Variants in PCDH15 observed in about 807,000 individuals in gnomAD.
PCDH15 encodes the protein protocadherin-15.
A neutral mutation model predicts 178.5 loss-of-function variants in PCDH15; 129 were observed. That is an observed-to-expected ratio of 0.72 (90% CI 0.63 to 0.84). PCDH15 has a LOEUF of 0.84. Ranked by LOEUF, PCDH15 falls within the 40% of genes least tolerant of loss-of-function variation. The probability of loss-of-function intolerance (pLI) is 0.00; values close to 1 mark genes in which losing one functional copy is unlikely to be tolerated. For missense variants in PCDH15, 2,230 were observed against 2,099.9 expected (o/e 1.06, Z -1.21); for synonymous variants, 800 against 732.0 (o/e 1.09, Z -1.50).
intron 18 of PCDH15, among the ~76,000 whole-genome samples, chr10:54,048,113 A>G (rs1464324618): frequency 6.6e-6 from 1 of 152,060 alleles, no homozygotes; most frequent in African/African-American, 2.4e-5. Context: ...GACTGGTGTG[A>G]GATGGTATCT....
chr10:53,969,866 A>G (rs3101206), intron 21 of PCDH15, among the ~76,000 whole-genome samples: 107,233 of 151,992 alleles, frequency 0.71, 38,221 homozygotes, highest in East Asian at 0.87. Flanking sequence ...GAAGCACTAA[A>G]CATGGAAAGG....
At chr10:54,556,512 G>A (rs1417950788) in intron 2 of PCDH15, among the ~76,000 whole-genome samples, 2 of 151,834 alleles carry the variant, frequency 1.3e-5, no homozygotes, top group Non-Finnish European at 2.9e-5. Flanking sequence ...TTAGAATTTT[G>A]TAAGAAGAAA....
chr10:54,024,999 A>T lies in PCDH15; in HGVS notation c.2221-1802T>A, dbSNP rs112877022. On this transcript the variant is annotated intron_variant, in intron 18 of 37. Coordinates refer to ENST00000644397, the MANE Select transcript of PCDH15 (RefSeq NM_001384140.1). ...CAGTCACTTTTTCTGTCTATGGAAT[A>T]TCTTAAGATCAAAAAAACTAATCAT... 3.2e-3 allele frequency among the ~76,000 whole-genome samples: 480 copies of T among 152,296 alleles called. 2 individuals carry two copies. The highest frequency in any genetic ancestry group is 0.011 in the African/African-American group (454 of 41,570).
At chr10:53,808,257 A>T (rs2075729032) in intron 37 of PCDH15, 1 of 264,958 alleles carries the variant, frequency 3.8e-6, no homozygotes, top group Non-Finnish European at 5.8e-6. Context: ...CGACTGTTAA[A>T]GATATAATTT....
chr10:55,332,835 C>A (rs73253852), intron 2 of PCDH15, among the ~76,000 whole-genome samples: 1 of 152,142 alleles, frequency 6.6e-6, no homozygotes, highest in Non-Finnish European at 1.5e-5. Context: ...GATTGTGAGA[C>A]CTCTCCAGCC....
intron 37 of PCDH15, chr10:53,808,906 T>G: frequency 6.3e-7 from 1 of 1,581,472 alleles, no homozygotes; most frequent in South Asian, 1.2e-5. Flanking sequence ...AGGGATATCT[T>G]GAGCTTCAGG....
chr10:55,609,576 T>A (rs1329263012), intron 2 of PCDH15, among the ~76,000 whole-genome samples: 3 of 152,138 alleles, frequency 2.0e-5, no homozygotes, highest in Non-Finnish European at 2.9e-5. Flanking sequence ...AAAGGCCTCT[T>A]CATTTATGTA....
intron 2 of PCDH15, among the ~76,000 whole-genome samples, chr10:54,956,264 G>C (rs1387377745): frequency 6.6e-6 from 1 of 151,192 alleles, no homozygotes; most frequent in Non-Finnish European, 1.5e-5. Flanking sequence ...TTCATAACAG[G>C]ACTTGTCTAT....
intron 2 of PCDH15, among the ~76,000 whole-genome samples, chr10:54,899,493 G>A (rs79908025): frequency 0.3 from 33,509 of 112,484 alleles, 4,811 homozygotes; most frequent in Middle Eastern, 0.36. Flanking sequence ...CTTCCCTTCC[G>A]TAATTTTCTT....
At chr10:53,856,966 G>A (rs929359436) in intron 28 of PCDH15, among the ~76,000 whole-genome samples, 1 of 152,020 alleles carries the variant, frequency 6.6e-6, no homozygotes, top group African/African-American at 2.4e-5. Context: ...GAGGATGGGA[G>A]GGGCATGAGG....
chr10:55,428,627 GT>G (rs985287086), intron 2 of PCDH15, among the ~76,000 whole-genome samples: 1 of 151,844 alleles, frequency 6.6e-6, no homozygotes, highest in East Asian at 1.9e-4. Flanking sequence ...CTTTAAAGCA[GT>G]TTTTTGATAA....
chr10:55,359,589 T>C (rs1002426671), intron 2 of PCDH15, among the ~76,000 whole-genome samples: 4 of 151,570 alleles, frequency 2.6e-5, no homozygotes, highest in Admixed American at 6.6e-5. Context: ...TGGGAATAAA[T>C]TTAAAGGAAA....
At chr10:55,626,686 A>G (rs1460198080) in intron 2 of PCDH15, among the ~76,000 whole-genome samples, 3 of 152,208 alleles carry the variant, frequency 2.0e-5, no homozygotes, top group African/African-American at 7.2e-5. Context: ...CTAACAATTC[A>G]TGTAATTCCT....
At position 54,997,539 on chromosome 10, in the gene PCDH15, G is replaced by A. The variant is rs142227370; in HGVS notation, c.-79-100039C>T. 1.2e-4 allele frequency among the ~76,000 whole-genome samples: 18 copies of A among 152,128 alleles called. No homozygotes were observed. The South Asian group carries it at 2.3e-3, about 19-fold the overall frequency. Reference sequence around the variant, plus strand: ...TAGATATTTTGAAATATCAGAGTTCGGCACAGAAGGCTATAAAACTATAAA... The same window carrying A: ...TAGATATTTTGAAATATCAGAGTTCAGCACAGAAGGCTATAAAACTATAAA... On this transcript the variant is annotated intron_variant, in intron 2 of 5. Coordinates refer to the PCDH15 transcript ENST00000458638.
At chr10:54,342,889 T>C (rs753500410) in intron 6 of PCDH15, among the ~76,000 whole-genome samples, 18 of 152,214 alleles carry the variant, frequency 1.2e-4, no homozygotes, top group Non-Finnish European at 2.6e-4. Context: ...ATGGGGCCTG[T>C]GGTGCCTTTA....
chr10:54,209,382 C>T (rs968100726), intron 10 of PCDH15, among the ~76,000 whole-genome samples: 7 of 151,816 alleles, frequency 4.6e-5, no homozygotes, highest in African/African-American at 1.2e-4. Context: ...CAAGAGAATG[C>T]GAAATAAAGA....
intron 1 of PCDH15, among the ~76,000 whole-genome samples, chr10:55,264,016 G>A (rs957972382): frequency 3.3e-5 from 5 of 152,080 alleles, no homozygotes; most frequent in Admixed American, 3.3e-4. Flanking sequence ...TTACAGGCCT[G>A]AGCCACCGCC....
At chr10:54,279,657 CTA>C (rs1386044829) in intron 8 of PCDH15, among the ~76,000 whole-genome samples, 1 of 151,652 alleles carries the variant, frequency 6.6e-6, no homozygotes, top group African/African-American at 2.4e-5. Flanking sequence ...ATTGCCCTCT[CTA>C]TTTTCACTCA....
At chr10:54,304,865 CCT>C (rs1491455793) in intron 8 of PCDH15, among the ~76,000 whole-genome samples, 2 of 144,050 alleles carry the variant, frequency 1.4e-5, no homozygotes, top group Non-Finnish European at 3.0e-5. Flanking sequence ...TGTTTATTTC[CCT>C]TTTTTTTTGT....
Sources: allele counts gnomAD v4.1 joint callset (sites outside exome capture counted in the v4.1 genomes callset), GRCh38; gene constraint gnomAD v4.1.1; transcripts MANE v1.5; gene names NCBI Gene and HGNC (gene_info 2026-07-23, HGNC 2026-07-21).